The following PXYLP1 variants were observed in gnomAD, a reference collection of about 807,000 sequenced individuals.
PXYLP1 encodes the protein 2-phosphoxylose phosphatase 1.
In PXYLP1, 17 loss-of-function variants were observed where a neutral mutation model predicts 37.9. That is an observed-to-expected ratio of 0.45 (90% CI 0.31 to 0.67). PXYLP1 has a LOEUF of 0.67. Among genes scored for constraint, PXYLP1 ranks in the 30% least tolerant of loss-of-function variants. The pLI is 0.07. For synonymous variants in PXYLP1, 221 were observed against 232.2 expected (o/e 0.95, Z 0.44); for missense variants, 511 against 612.0 (o/e 0.84, Z 1.74).
rs748024944 is a variant in PXYLP1, at chr3:141,248,672, CGT to C, written c.-53-11448_-53-11447del. Among the ~76,000 whole-genome samples, 176 of 61,528 alleles carry C rather than the reference CGT, an allele frequency of 2.9e-3. 20 individuals carry two copies. Among genetic ancestry groups the C allele is most frequent in the Non-Finnish European group, 3.7e-3 (133 of 35,684 alleles). The allele number at this position is 61,528 out of a possible 152,430, so 40.4% of individuals were successfully genotyped here. On this transcript the variant is annotated intron_variant, in intron 1 of 5. Coordinates refer to ENST00000286353, the MANE Select transcript of PXYLP1 (RefSeq NM_001037172.3). ...ATATACACACGTATATATACACACACGTGTATATATACACACGTATATACACA... is the reference window on the plus strand; with the variant it reads ...ATATACACACGTATATATACACACACGTATATATACACACGTATATACACA...
At chr3:141,270,948 T>C (rs1216354944) in intron 2 of PXYLP1, among the ~76,000 whole-genome samples, 2 of 152,144 alleles carry the variant, frequency 1.3e-5, no homozygotes, top group Non-Finnish European at 2.9e-5. Context: ...TGGAATGCAG[T>C]AGTGTGATCA....
chr3:141,278,962 C>CA (rs1941875651), intron 3 of PXYLP1, among the ~76,000 whole-genome samples: 1 of 152,234 alleles, frequency 6.6e-6, no homozygotes, highest in Non-Finnish European at 1.5e-5. Context: ...TGTATCAGAG[C>CA]ATAGTGTTGA....
intron 1 of PXYLP1, among the ~76,000 whole-genome samples, chr3:141,235,710 C>T (rs562443021): frequency 6.6e-6 from 1 of 152,342 alleles, no homozygotes; most frequent in South Asian, 2.1e-4. Flanking sequence ...TGCAGGTAAA[C>T]GACGGCCCAT....
In PXYLP1 at chr3:141,260,242, A is replaced by C. The variant is rs574530617; in HGVS notation, c.67A>C (p.Ser23Arg). The C allele has an allele frequency of 6.2e-7, 1 of 1,613,188 alleles. No individual in the cohort carries two copies. The highest frequency in any genetic ancestry group is 2.2e-5 in the East Asian group (1 of 44,884). The change falls in exon 2 of 6, where the codon AGC becomes CGC. Residue 23 changes from serine (S) to arginine (R), a missense_variant. By Grantham distance (110) the Ser-to-Arg change is moderately radical (BLOSUM62 -1). Coordinates refer to ENST00000286353, the MANE Select transcript of PXYLP1 (RefSeq NM_001037172.3). ...TGCGCTGCTGGCCTTTGTGAGCCTC[A>C]GCCTGCAGTTCTGTGAGTAGAGCCG... Reference protein sequence around the residue: ...LAALLAFVSLSLQFFHLIPVS... With the variant: ...LAALLAFVSLRLQFFHLIPVS...
chr3:141,263,790 G>T (rs1298804089), intron 2 of PXYLP1, among the ~76,000 whole-genome samples: 1 of 152,198 alleles, frequency 6.6e-6, no homozygotes, highest in Non-Finnish European at 1.5e-5. Context: ...CTGTAAAATA[G>T]AGTTAATTAT....
intron 1 of PXYLP1, among the ~76,000 whole-genome samples, chr3:141,251,892 G>C (rs1055890297): frequency 6.6e-6 from 1 of 152,144 alleles, no homozygotes; most frequent in Non-Finnish European, 1.5e-5. Context: ...ACTTGTGGCT[G>C]GTGGGTATTA....
chr3:141,266,179 T>C (rs1156515030), intron 2 of PXYLP1, among the ~76,000 whole-genome samples: 1 of 152,270 alleles, frequency 6.6e-6, no homozygotes, highest in Non-Finnish European at 1.5e-5. Context: ...GAACTTGTTT[T>C]GTTTGGCCCA....
At chr3:141,261,746 C>G (rs570160259) in intron 2 of PXYLP1, among the ~76,000 whole-genome samples, 1 of 119,890 alleles carries the variant, frequency 8.3e-6, no homozygotes, top group Admixed American at 9.5e-5. Flanking sequence ...ATCCCAGGAA[C>G]CAGCACTGCC....
Position 141,293,462 on chromosome 3 carries a change from C to A in PXYLP1, c.*257C>A. 2.0e-6 allele frequency: 1 copy of A among 488,756 alleles called. No homozygotes were observed. The highest frequency in any genetic ancestry group is 3.5e-5 in the East Asian group (1 of 28,244). The allele number at this position is 488,756 out of a possible 1,614,324, so 30.3% of individuals were successfully genotyped here. On this transcript the variant is annotated 3_prime_UTR_variant, in exon 6 of 6. Transcript: ENST00000286353. ...TCATAGCCAGACTTCGCTTAGAATG[C>A]CAGAATAATATAGTTCAAGACCTGA...
Position 141,245,968 on chromosome 3 carries a change from T to C in PXYLP1, c.-54+14057T>C, listed in dbSNP as rs537610025. On this transcript the variant is annotated intron_variant, in intron 1 of 5. Coordinates refer to ENST00000286353, the MANE Select transcript of PXYLP1 (RefSeq NM_001037172.3). ...ACATCCAGGAGTCAGTGTGGTATGA[T>C]GGAAATAGCATTGAACTGGAAAGTC... is the stretch of plus-strand genomic sequence containing the variant. 2.1e-4 allele frequency among the ~76,000 whole-genome samples: 32 copies of C among 152,318 alleles called. 1 individual carries two copies. In the South Asian group the frequency reaches 4.1e-3, roughly 20 times the overall value.
At chr3:141,248,274 C>T (rs1941012128) in intron 1 of PXYLP1, among the ~76,000 whole-genome samples, 1 of 151,880 alleles carries the variant, frequency 6.6e-6, no homozygotes, top group Admixed American at 6.6e-5. Flanking sequence ...CTCAAATGAT[C>T]CACCTGCCCC....
intron 1 of PXYLP1, among the ~76,000 whole-genome samples, chr3:141,248,025 T>TTTG (rs200264872): frequency 0.091 from 11,311 of 124,970 alleles, 483 homozygotes; most frequent in African/African-American, 0.15. Context: ...TTTGTTTTGT[T>TTTG]TTTTTTTTTT....
Position 141,278,506 on chromosome 3 carries a change from C to A in PXYLP1, c.238+6C>A. 1 of 1,614,028 alleles carries A rather than the reference C, an allele frequency of 6.2e-7. No individual in the cohort carries two copies. Among genetic ancestry groups the A allele is most frequent in the Non-Finnish European group, 8.5e-7 (1 of 1,179,932 alleles). On this transcript the variant is annotated splice_donor_region_variant and intron_variant, in intron 3 of 5. Transcript: ENST00000286353. The stretch of plus-strand genomic sequence containing the variant: ...GGCCGAGCGCAGCATGGAAGGTAGG[C>A]CTGACTGTGCCACCAGGACAGATAC...
intron 4 of PXYLP1, among the ~76,000 whole-genome samples, chr3:141,282,135 C>G (rs550881580): frequency 6.6e-6 from 1 of 152,194 alleles, no homozygotes; most frequent in Non-Finnish European, 1.5e-5. Flanking sequence ...AGTGCCCTTC[C>G]TCCACCCCTA....
intron 2 of PXYLP1, chr3:141,272,598 G>A (rs532250605): frequency 1.3e-5 from 2 of 153,288 alleles, no homozygotes; most frequent in South Asian, 4.1e-4. Context: ...ATAAAGGGGA[G>A]TTTATTAAGT....
At chr3:141,279,229 A>T in intron 3 of PXYLP1, 149 bp from the exon 4 acceptor site, 1 of 887,046 alleles carries the variant, frequency 1.1e-6, no homozygotes, top group Non-Finnish European at 1.7e-6. Context: ...GGGCCCCTTC[A>T]CTGTGGTGGC....
chr3:141,256,403 C>T (rs966376739), intron 1 of PXYLP1, among the ~76,000 whole-genome samples: 4 of 152,206 alleles, frequency 2.6e-5, no homozygotes, highest in Admixed American at 2.6e-4. Context: ...TCGTCCTTTA[C>T]ACCACATTAG....
chr3:141,287,226 A>C, intron 4 of PXYLP1, 88 bp from the exon 5 acceptor site: 7 of 1,411,762 alleles, frequency 5.0e-6, no homozygotes, highest in Non-Finnish European at 6.9e-6. Context: ...AGGCTGCGAT[A>C]CACGTGGGAT....
At position 141,290,964 on chromosome 3, in the gene PXYLP1, G is replaced by A. The variant is rs987564275; in HGVS notation, c.506-1304G>A. 7.9e-5 allele frequency among the ~76,000 whole-genome samples: 12 copies of A among 152,156 alleles called. No individual in the cohort carries two copies. In the South Asian group the frequency reaches 8.3e-4, roughly 11 times the overall value. On this transcript the variant is annotated intron_variant, in intron 5 of 5. Coordinates refer to ENST00000286353, the MANE Select transcript of PXYLP1 (RefSeq NM_001037172.3). ...ACGGAATCTAATGTTTGTCTCTCAC[G>A]GTTTGCATGTTTTTTTGCAAAGCGT... is the stretch of plus-strand genomic sequence containing the variant.
Sources: gnomAD v4.1 joint callset for allele counts (sites outside exome capture counted in the v4.1 genomes callset) on GRCh38, gnomAD v4.1.1 for gene constraint, MANE v1.5 for transcripts, NCBI Gene and HGNC (gene_info 2026-07-23, HGNC 2026-07-21) for gene names.